XPNPEP3: variants seen among roughly 807,000 people sequenced by gnomAD.
XPNPEP3 encodes xaa-Pro aminopeptidase 3.
XPNPEP3 carries 41 observed loss-of-function variants against 60.0 expected under a neutral mutation model. The ratio of observed to expected loss-of-function variants is 0.68; its 90% confidence interval spans 0.53 to 0.89. The LOEUF (loss-of-function observed/expected upper bound fraction) is 0.89, where lower values mean the gene tolerates loss of function less well. Ranked by LOEUF, XPNPEP3 falls within the 40% of genes least tolerant of loss-of-function variation. XPNPEP3 has a pLI of 0.00. For missense variants in XPNPEP3, 598 were observed against 638.9 expected, an observed-to-expected ratio of 0.94 and a Z score of 0.69; for synonymous variants, 212 against 223.2, an observed-to-expected ratio of 0.95 and a Z score of 0.45.
At chr22:40,886,245 A>G in intron 3 of XPNPEP3, 68 bp from the exon 4 acceptor site, 1 of 1,509,852 alleles carries the variant, frequency 6.6e-7, no homozygotes, top group Non-Finnish European at 9.1e-7. Flanking sequence ...TCAAGTCGTT[A>G]TGACAGTTGA....
In XPNPEP3 at chr22:40,898,340, G is replaced by A. The variant is rs570476249; in HGVS notation, c.793-9247G>A. On this transcript the variant is annotated intron_variant, in intron 4 of 9. Coordinates refer to ENST00000357137, the MANE Select transcript of XPNPEP3 (RefSeq NM_022098.4). ...GCAATCTCGGCTCACTGCAAGCTCC[G>A]CTTCCCGGGTTCACGCCATTCTCCT... Among the ~76,000 whole-genome samples, 387 of 119,916 alleles carry A rather than the reference G, an allele frequency of 3.2e-3. 8 individuals carry two copies. Among genetic ancestry groups the A allele is most frequent in the Non-Finnish European group, 4.3e-3 (278 of 64,234 alleles). The allele number at this position is 119,916 out of a possible 152,430, so 78.7% of individuals were successfully genotyped here.
chr22:40,875,209 T>C (rs2058023060), intron 2 of XPNPEP3, among the ~76,000 whole-genome samples: 1 of 152,194 alleles, frequency 6.6e-6, no homozygotes, highest in South Asian at 2.1e-4. Context: ...GGGGTCTTGC[T>C]CTGTCTCCCA....
intron 1 of XPNPEP3, chr22:40,862,016 TG>T (rs776406977): frequency 2.6e-5 from 40 of 1,559,470 alleles, no homozygotes; most frequent in Admixed American, 2.0e-4. Flanking sequence ...TAGTTGGAAG[TG>T]GGTGTGCTGG....
intron 1 of XPNPEP3, among the ~76,000 whole-genome samples, chr22:40,858,324 C>G (rs2057916625): frequency 6.6e-6 from 1 of 151,404 alleles, no homozygotes; most frequent in Admixed American, 6.6e-5. Flanking sequence ...CCAAGCTGAT[C>G]TCGAACTCCT....
chr22:40,876,762 A>G (rs910780503), intron 2 of XPNPEP3, among the ~76,000 whole-genome samples: 4 of 152,270 alleles, frequency 2.6e-5, no homozygotes, highest in African/African-American at 9.6e-5. Flanking sequence ...ATGCCAAAAA[A>G]TACTATCTGG....
At chr22:40,921,033 C>T (rs1414014183) in intron 7 of XPNPEP3, among the ~76,000 whole-genome samples, 6 of 152,170 alleles carry the variant, frequency 3.9e-5, no homozygotes, top group Non-Finnish European at 7.3e-5. Context: ...CTCAGGTGAT[C>T]CACCCGCCTC....
intron 1 of XPNPEP3, chr22:40,861,450 T>A (rs1263395033): frequency 6.2e-7 from 1 of 1,614,146 alleles, no homozygotes; most frequent in South Asian, 1.1e-5. Context: ...TATGTAGTTG[T>A]CCATCCCACT....
At chr22:40,922,241 G>A in intron 7 of XPNPEP3, 92 bp from the exon 8 acceptor site, 1 of 1,468,436 alleles carries the variant, frequency 6.8e-7, no homozygotes, top group East Asian at 2.3e-5. Flanking sequence ...AGCAACAGCA[G>A]CATCTTGGGG....
intron 2 of XPNPEP3, among the ~76,000 whole-genome samples, chr22:40,876,872 C>T (rs1182695735): frequency 1.2e-4 from 19 of 152,174 alleles, no homozygotes; most frequent in Admixed American, 1.2e-3. Flanking sequence ...GAGTAGTATA[C>T]TTTTTTTAAA....
intron 7 of XPNPEP3, among the ~76,000 whole-genome samples, chr22:40,921,370 C>T (rs1448516384): frequency 2.6e-5 from 4 of 151,450 alleles, no homozygotes; most frequent in Non-Finnish European, 5.9e-5. Context: ...AAAATTGTAC[C>T]GTTCAAATGT....
chr22:40,910,078 A>G (rs2058171623), intron 6 of XPNPEP3, among the ~76,000 whole-genome samples: 1 of 151,782 alleles, frequency 6.6e-6, no homozygotes, highest in South Asian at 2.1e-4. Flanking sequence ...AGTATTCAGT[A>G]AATCCAAAAG....
intron 4 of XPNPEP3, 51 bp downstream of exon 4, chr22:40,886,566 C>CT (rs769390016): frequency 1.7e-5 from 27 of 1,579,198 alleles, no homozygotes; most frequent in Non-Finnish European, 2.2e-5. Flanking sequence ...TGGCTCACGC[C>CT]TGTAATCCAA....
chr22:40,881,662 G>A (rs1045048050), intron 2 of XPNPEP3, 108 bp from the exon 3 acceptor site: 17 of 1,295,828 alleles, frequency 1.3e-5, no homozygotes, highest in Non-Finnish European at 1.8e-5. Flanking sequence ...GAGGAGATTT[G>A]GCATAAATTG....
At chr22:40,890,085 C>A (rs1266785942) in intron 4 of XPNPEP3, among the ~76,000 whole-genome samples, 1 of 152,162 alleles carries the variant, frequency 6.6e-6, no homozygotes, top group Non-Finnish European at 1.5e-5. Flanking sequence ...AACATCCCAA[C>A]AGGACTTTAA....
Position 40,861,852 on chromosome 22 carries a change from T to A in XPNPEP3, c.64+4607T>A, listed in dbSNP as rs756176555. 6.4e-5 allele frequency: 103 copies of A among 1,613,748 alleles called. 6 individuals carry two copies. In the South Asian group the frequency reaches 1.1e-3, roughly 17 times the overall value. Reference sequence around the variant, plus strand: ...TAATACCTCGTATGCCTCAGCTACTTCTTTGAATTTTCTCTCTGCTTCTTC... The same window carrying A: ...TAATACCTCGTATGCCTCAGCTACTACTTTGAATTTTCTCTCTGCTTCTTC... On this transcript the variant is annotated intron_variant, in intron 1 of 9. Coordinates refer to ENST00000357137, the MANE Select transcript of XPNPEP3 (RefSeq NM_022098.4).
intron 7 of XPNPEP3, among the ~76,000 whole-genome samples, chr22:40,921,020 G>A (rs2058214493): frequency 6.6e-6 from 1 of 152,144 alleles, no homozygotes; most frequent in African/African-American, 2.4e-5. Flanking sequence ...TCGAACTCCC[G>A]ACCTCAGGTG....
At chr22:40,890,659 G>C (rs936015740) in intron 4 of XPNPEP3, among the ~76,000 whole-genome samples, 2 of 152,140 alleles carry the variant, frequency 1.3e-5, no homozygotes, top group Non-Finnish European at 2.9e-5. Context: ...TTGAGCCCAG[G>C]AGTTCAAGCC....
At chr22:40,900,527 A>G (rs2058127839) in intron 4 of XPNPEP3, among the ~76,000 whole-genome samples, 1 of 151,904 alleles carries the variant, frequency 6.6e-6, no homozygotes, top group East Asian at 1.9e-4. Flanking sequence ...AATTGCTTGA[A>G]CCTGGTAGGT....
intron 1 of XPNPEP3, chr22:40,862,077 T>A (rs2145767790): frequency 2.0e-6 from 3 of 1,521,970 alleles, no homozygotes; most frequent in South Asian, 2.7e-5. Context: ...GTGGTGGTGA[T>A]AGAGGTAGTG....
Sources: gnomAD v4.1 joint callset for allele counts (sites outside exome capture counted in the v4.1 genomes callset) on GRCh38, gnomAD v4.1.1 for gene constraint, MANE v1.5 for transcripts, NCBI Gene and HGNC (gene_info 2026-07-23, HGNC 2026-07-21) for gene names.